Variants in WDR70 observed in about 807,000 individuals in gnomAD.
WDR70 encodes the protein WD repeat-containing protein 70.
In WDR70, 53 loss-of-function variants were observed where a neutral mutation model predicts 88.6. The ratio of observed to expected loss-of-function variants is 0.60; its 90% CI spans 0.48 to 0.75. The LOEUF (loss-of-function observed/expected upper bound fraction) is 0.75. WDR70 is among the 30% of genes least tolerant of loss of function. The pLI, the probability that WDR70 is intolerant of heterozygous loss-of-function variation, is 0.00. For synonymous variants in WDR70, 280 were observed against 270.0 expected (o/e 1.04, Z -0.36); for missense variants, 610 against 823.2 (o/e 0.74, Z 3.17).
At position 37,542,073 on chromosome 5, in the gene WDR70, G is replaced by A. The variant is rs1741835651; in HGVS notation, c.917+25483G>A. ...AAAGTAGGGAATTAGAGAGGAGATG[G>A]ACTTACTGAAGAATATAGAGAAATA... On this transcript the variant is annotated intron_variant, in intron 9 of 17. Transcript: ENST00000265107. Among the ~76,000 whole-genome samples the A allele has an allele frequency of 2.0e-5, 3 of 151,984 alleles. No homozygotes were observed. The South Asian group carries it at 6.2e-4, about 32-fold the overall frequency.
rs1259032632 is a variant in WDR70 at position 37,396,582 on chromosome 5, A to G, written c.492+12A>G. On this transcript the variant is annotated intron_variant, in intron 5 of 17. Transcript: ENST00000265107. Reference sequence around the variant, plus strand: ...AGGAGGAAGAGGAAGTAAGTATTTCAGTGGTAATTTAAGAATTCGGTGGAG... The same window carrying G: ...AGGAGGAAGAGGAAGTAAGTATTTCGGTGGTAATTTAAGAATTCGGTGGAG... The G allele has an allele frequency of 6.3e-7, 1 of 1,595,102 alleles. No individual in the cohort carries two copies. Among genetic ancestry groups the G allele is most frequent in the Non-Finnish European group, 8.5e-7 (1 of 1,173,262 alleles).
At chr5:37,449,761 A>G (rs1738612084) in intron 7 of WDR70, among the ~76,000 whole-genome samples, 1 of 152,000 alleles carries the variant, frequency 6.6e-6, no homozygotes, top group Non-Finnish European at 1.5e-5. Context: ...TATTATTTTT[A>G]CTATACTTTT....
Position 37,702,936 on chromosome 5 carries a change from T to C in WDR70, c.1278-13T>C. On this transcript the variant is annotated splice_polypyrimidine_tract_variant and intron_variant, in intron 12 of 17. Coordinates refer to ENST00000265107, the MANE Select transcript of WDR70 (RefSeq NM_018034.4). ...GTCATAAGCTTATACTCGTAAACTC[T>C]TTTTTTCTGTAGGACTGACTGCTGT... 1 of 1,595,010 alleles carries C rather than the reference T, an allele frequency of 6.3e-7. No individual in the cohort carries two copies.
chr5:37,452,322 A>G (rs1490369546), intron 7 of WDR70, among the ~76,000 whole-genome samples: 1 of 151,384 alleles, frequency 6.6e-6, no homozygotes. Context: ...CTGGAGTGCA[A>G]TGGCATGATC....
intron 7 of WDR70, among the ~76,000 whole-genome samples, chr5:37,462,652 C>T: frequency 6.6e-6 from 1 of 152,040 alleles, no homozygotes; most frequent in East Asian, 1.9e-4. Context: ...ATAATTAAGA[C>T]ATGTACTAAA....
chr5:37,571,386 C>T (rs1180533393), intron 9 of WDR70, among the ~76,000 whole-genome samples: 1 of 152,050 alleles, frequency 6.6e-6, no homozygotes, highest in Non-Finnish European at 1.5e-5. Context: ...TGTTTGGATC[C>T]AAAATGATCT....
chr5:37,649,831 G>A lies in WDR70; in HGVS notation c.1092+44593G>A, dbSNP rs1438005108. Reference sequence around the variant, plus strand: ...CGGCTCACTGCAAGCTCCGCCTCCCGGGTTCACGCCATTCTCCTGCCTCAG... The same window carrying A: ...CGGCTCACTGCAAGCTCCGCCTCCCAGGTTCACGCCATTCTCCTGCCTCAG... On this transcript the variant is annotated intron_variant, in intron 10 of 17. Transcript: ENST00000265107. Among the ~76,000 whole-genome samples the A allele has an allele frequency of 5.5e-5, 7 of 126,342 alleles. No individual in the cohort carries two copies. The East Asian group carries it at 1.4e-3, about 26-fold the overall frequency. 82.9% of individuals were successfully genotyped at this position (126,342 alleles called of 152,430 possible). A position where few individuals can be genotyped will look rare whatever the true frequency, so the allele number is the denominator to read the frequency against.
chr5:37,392,805 C>T (rs1350530361), intron 4 of WDR70, among the ~76,000 whole-genome samples: 1 of 151,594 alleles, frequency 6.6e-6, no homozygotes, highest in African/African-American at 2.4e-5. Context: ...CCACCATGCC[C>T]TGCTAATTTT....
intron 10 of WDR70, among the ~76,000 whole-genome samples, chr5:37,643,323 A>C (rs955911096): frequency 6.6e-6 from 1 of 151,962 alleles, no homozygotes; most frequent in African/African-American, 2.4e-5. Context: ...GGGGTTCACT[A>C]TTCCACTTCA....
chr5:37,524,354 C>T (rs1020491705), intron 9 of WDR70, among the ~76,000 whole-genome samples: 1 of 152,098 alleles, frequency 6.6e-6, no homozygotes. Context: ...GAATTTTCAA[C>T]CCAGAATTTC....
chr5:37,551,477 C>G (rs1345495700), intron 9 of WDR70, among the ~76,000 whole-genome samples: 1 of 151,894 alleles, frequency 6.6e-6, no homozygotes, highest in African/African-American at 2.4e-5. Context: ...CACCTCTAAT[C>G]CTGGCACTTT....
At chr5:37,402,535 G>A (rs1184758467) in intron 5 of WDR70, among the ~76,000 whole-genome samples, 1 of 151,826 alleles carries the variant, frequency 6.6e-6, no homozygotes, top group Non-Finnish European at 1.5e-5. Flanking sequence ...TATATTTTTG[G>A]GGTATATATG....
intron 8 of WDR70, among the ~76,000 whole-genome samples, chr5:37,483,696 A>G (rs1489849188): frequency 2.0e-5 from 3 of 149,044 alleles, no homozygotes; most frequent in Non-Finnish European, 4.5e-5. Context: ...GGCGCCCCCC[A>G]CCTCCCAGAC....
At chr5:37,651,631 C>G (rs1340385544) in intron 10 of WDR70, among the ~76,000 whole-genome samples, 1 of 152,084 alleles carries the variant, frequency 6.6e-6, no homozygotes. Context: ...CTGTTGTTTC[C>G]TTTTTAAGGA....
intron 5 of WDR70, among the ~76,000 whole-genome samples, chr5:37,416,317 TG>T (rs1266499780): frequency 2.0e-5 from 3 of 152,160 alleles, no homozygotes; most frequent in Non-Finnish European, 4.4e-5. Flanking sequence ...GAGACCAGCC[TG>T]GGCAACACAG....
At chr5:37,671,644 T>A (rs12521063) in intron 10 of WDR70, among the ~76,000 whole-genome samples, 1 of 152,032 alleles carries the variant, frequency 6.6e-6, no homozygotes, top group Non-Finnish European at 1.5e-5. Context: ...ACTGTTTCTA[T>A]TTCTTATGAG....
At chr5:37,455,290 G>C (rs1409335389) in intron 7 of WDR70, among the ~76,000 whole-genome samples, 1 of 148,378 alleles carries the variant, frequency 6.7e-6, no homozygotes, top group African/African-American at 2.5e-5. Context: ...TGTTGCCCAG[G>C]CTGGAGTGCA....
rs372010715 is a variant in WDR70 at position 37,562,649 on chromosome 5, C to T, written c.918-42415C>T. On this transcript the variant is annotated intron_variant, in intron 9 of 17. Coordinates refer to ENST00000265107, the MANE Select transcript of WDR70 (RefSeq NM_018034.4). ...TTGAGATTAGGGAGTGGTGATGACT[C>T]TTAACGAGCATGCTGCCTTCAAGCA... Among the ~76,000 whole-genome samples, 506 of 152,262 alleles carry T rather than the reference C, an allele frequency of 3.3e-3. 4 individuals are homozygous for T. The highest frequency in any genetic ancestry group is 0.011 in the African/African-American group (477 of 41,552).
At position 37,383,121 on chromosome 5, in the gene WDR70, T is replaced by TA. The variant is rs1748484995; in HGVS notation, c.175+1442dup. Among the ~76,000 whole-genome samples the TA allele has an allele frequency of 3.9e-5, 6 of 152,042 alleles. No individual in the cohort carries two copies. In the South Asian group the frequency reaches 1.2e-3, roughly 32 times the overall value. Reference sequence around the variant, plus strand: ...AAAATATAAAACAAAATAACTAAAATAAAAAATAAAACGTTGTACAGCAGC... The same window carrying TA: ...AAAATATAAAACAAAATAACTAAAATAAAAAAATAAAACGTTGTACAGCAGC... On this transcript the variant is annotated intron_variant, in intron 3 of 17. Transcript: ENST00000265107.
Sources: gnomAD v4.1 joint callset for allele counts (sites outside exome capture counted in the v4.1 genomes callset) on GRCh38, gnomAD v4.1.1 for gene constraint, MANE v1.5 for transcripts, NCBI Gene and HGNC (gene_info 2026-07-23, HGNC 2026-07-21) for gene names.